Variants in CXCL13 observed in about 807,000 individuals in gnomAD.
CXCL13 encodes C-X-C motif chemokine ligand 13.
CXCL13 carries 7 observed loss-of-function variants against 12.2 expected under a neutral mutation model. The ratio of observed to expected loss-of-function variants is 0.57; its 90% CI spans 0.33 to 1.07. CXCL13 has a LOEUF of 1.07. Among genes scored for constraint, CXCL13 ranks in the 50% least tolerant of loss-of-function variants. The probability of loss-of-function intolerance (pLI) is 0.04; values close to 1 mark genes in which losing one functional copy is unlikely to be tolerated. For synonymous variants in CXCL13, 47 were observed against 42.4 expected (o/e 1.11, Z -0.42); for missense variants, 113 against 127.4 (o/e 0.89, Z 0.55).
chr4:77,609,709 T>C (rs1333061962), intron 2 of CXCL13, among the ~76,000 whole-genome samples: 2 of 152,226 alleles, frequency 1.3e-5, no homozygotes, highest in Admixed American at 6.5e-5. Context: ...TTCTGCTGTC[T>C]GGCAGACCTC....
chr4:77,533,900 G>A (rs1035175493), intron 1 of CXCL13, among the ~76,000 whole-genome samples: 5 of 152,224 alleles, frequency 3.3e-5, no homozygotes, highest in Non-Finnish European at 5.9e-5. Context: ...GTATTAGGGT[G>A]AGAGTGACCC....
Position 77,611,208 on chromosome 4 carries a change from T to C in CXCL13, c.*169T>C. The C allele has an allele frequency of 8.4e-6, 5 of 592,974 alleles. No homozygotes were observed. In the South Asian group the frequency reaches 9.8e-5, roughly 12 times the overall value. The allele number at this position is 592,974 out of a possible 1,614,324, so 36.7% of individuals were successfully genotyped here. A position where few individuals can be genotyped will look rare whatever the true frequency, so the allele number is the denominator to read the frequency against. ...AGCTGATGGGGCAAACTCAAGCTTC[T>C]TCACTCACAGCACCCTATATACACT... On this transcript the variant is annotated 3_prime_UTR_variant, in exon 4 of 4. Coordinates refer to ENST00000682537, the MANE Select transcript of CXCL13 (RefSeq NM_001371558.1).
upstream of CXCL13, among the ~76,000 whole-genome samples, chr4:77,601,474 A>T (rs1041970193): frequency 6.6e-6 from 1 of 152,258 alleles, no homozygotes; most frequent in African/African-American, 2.4e-5. Flanking sequence ...ATGAAATAAC[A>T]AACCTCTACA....
chr4:77,558,195 G>A (rs926469965), intron 1 of CXCL13, among the ~76,000 whole-genome samples: 1 of 152,200 alleles, frequency 6.6e-6, no homozygotes, highest in Non-Finnish European at 1.5e-5. Context: ...GATGCCTCTG[G>A]CTGTTTTTGC....
At chr4:77,608,181 C>G (rs1727037898) in intron 2 of CXCL13, among the ~76,000 whole-genome samples, 2 of 152,168 alleles carry the variant, frequency 1.3e-5, no homozygotes, top group Non-Finnish European at 2.9e-5. Flanking sequence ...TGGCTCACGC[C>G]TGTAATCCCA....
At chr4:77,532,128 T>C (rs1435682602) in intron 1 of CXCL13, among the ~76,000 whole-genome samples, 3 of 152,222 alleles carry the variant, frequency 2.0e-5, no homozygotes, top group Non-Finnish European at 2.9e-5. Flanking sequence ...GTTGATGCAG[T>C]TTCTTCCTAG....
intron 1 of CXCL13, among the ~76,000 whole-genome samples, chr4:77,576,353 T>C (rs532651205): frequency 6.6e-6 from 1 of 152,368 alleles, no homozygotes; most frequent in Non-Finnish European, 1.5e-5. Context: ...GAGTAAGTTA[T>C]ACTCCTGTGA....
intron 1 of CXCL13, among the ~76,000 whole-genome samples, chr4:77,548,997 C>T (rs1725441436): frequency 6.6e-6 from 1 of 152,206 alleles, no homozygotes; most frequent in African/African-American, 2.4e-5. Flanking sequence ...TTGGTCTTTT[C>T]ACATAGTCCC....
At position 77,607,697 on chromosome 4, in the gene CXCL13, T is replaced by C; in HGVS notation, c.65-6T>C. ...TTAAAATAACTGATTCTGTGTTTAC[T>C]TACAGGTGTTCTGGAGGTCTATTAC... On this transcript the variant is annotated splice_region_variant and splice_polypyrimidine_tract_variant and intron_variant, in intron 1 of 3. Transcript: ENST00000682537. 4.4e-6 allele frequency: 7 copies of C among 1,603,998 alleles called. No individual in the cohort carries two copies. Among genetic ancestry groups the C allele is most frequent in the Non-Finnish European group, 5.1e-6 (6 of 1,176,082 alleles).
intron 1 of CXCL13, among the ~76,000 whole-genome samples, chr4:77,564,765 A>T (rs908604228): frequency 1.3e-5 from 2 of 152,220 alleles, no homozygotes; most frequent in Admixed American, 1.3e-4. Context: ...CTACCAAGTA[A>T]AATGGCTCTC....
chr4:77,515,557 C>A (rs907936227), intron 1 of CXCL13, among the ~76,000 whole-genome samples: 1 of 152,098 alleles, frequency 6.6e-6, no homozygotes, highest in Non-Finnish European at 1.5e-5. Flanking sequence ...GTATTTTATT[C>A]TCTTTGAAGC....
At chr4:77,560,371 C>T (rs1480334210) in intron 1 of CXCL13, among the ~76,000 whole-genome samples, 1 of 152,238 alleles carries the variant, frequency 6.6e-6, no homozygotes, top group East Asian at 1.9e-4. Flanking sequence ...TTCTTTATCT[C>T]CAACTGCCTC....
chr4:77,574,105 A>G (rs1378865862), intron 1 of CXCL13, among the ~76,000 whole-genome samples: 1 of 151,972 alleles, frequency 6.6e-6, no homozygotes, highest in East Asian at 1.9e-4. Flanking sequence ...TAAGAGGCGT[A>G]TGGTTAAAAG....
intron 1 of CXCL13, among the ~76,000 whole-genome samples, chr4:77,556,076 G>T (rs973062218): frequency 1.3e-5 from 2 of 152,170 alleles, no homozygotes; most frequent in Non-Finnish European, 2.9e-5. Context: ...ACACTGCCAT[G>T]TATCTGTCAA....
At position 77,610,884 on chromosome 4, in the gene CXCL13, A is replaced by T. The variant is rs17002744; in HGVS notation, c.279-104A>T. On this transcript the variant is annotated intron_variant, in intron 3 of 3. Transcript: ENST00000682537. ...CCAGCAGCTCAGTAAACCAAACTAG[A>T]TGCCAGTATACATAAGAGTCCTTGC... 2.4e-3 allele frequency: 2,499 copies of T among 1,040,790 alleles called. 48 individuals carry two copies. In the African/African-American group the frequency reaches 0.035, roughly 15 times the overall value. The allele number at this position is 1,040,790 out of a possible 1,614,324, so 64.5% of individuals were successfully genotyped here.
chr4:77,607,949 T>A, intron 2 of CXCL13, 114 bp downstream of exon 2: 2 of 1,082,806 alleles, frequency 1.8e-6, no homozygotes, highest in Non-Finnish European at 2.6e-6. Context: ...TGAGTGTTGC[T>A]AAAAATTCTC....
intron 1 of CXCL13, among the ~76,000 whole-genome samples, chr4:77,574,084 A>G (rs1052268821): frequency 6.6e-6 from 1 of 151,984 alleles, no homozygotes; most frequent in Non-Finnish European, 1.5e-5. Flanking sequence ...AGAGATATAA[A>G]AGGATTTTTT....
chr4:77,607,471 G>A (rs1455854536), intron 1 of CXCL13, among the ~76,000 whole-genome samples: 2 of 152,142 alleles, frequency 1.3e-5, no homozygotes, highest in African/African-American at 4.8e-5. Context: ...ACAGGTGTAA[G>A]CCACTGTGCC....
At chr4:77,544,870 A>G (rs1049311308) in intron 1 of CXCL13, among the ~76,000 whole-genome samples, 3 of 152,112 alleles carry the variant, frequency 2.0e-5, no homozygotes, top group Non-Finnish European at 4.4e-5. Flanking sequence ...TAGGGTTTTT[A>G]TGGTTTTAGG....
Sources: allele counts gnomAD v4.1 joint callset (sites outside exome capture counted in the v4.1 genomes callset), GRCh38; gene constraint gnomAD v4.1.1; transcripts MANE v1.5; gene names NCBI Gene and HGNC (gene_info 2026-07-23, HGNC 2026-07-21).